The following ACACA variants were observed in gnomAD, a reference collection of about 807,000 sequenced individuals.
ACACA encodes the protein acetyl-CoA carboxylase 1.
Under a neutral mutation model 296.1 loss-of-function variants are expected in ACACA, and 103 were observed. The observed-to-expected ratio is 0.35, with a 90% confidence interval of 0.30 to 0.41. The LOEUF (loss-of-function observed/expected upper bound fraction) is 0.41. ACACA is among the 10% of genes least tolerant of loss of function. ACACA has a pLI of 1.00. For synonymous variants in ACACA, 953 were observed against 1,038.6 expected, an observed-to-expected ratio of 0.92 and a Z score of 1.58; for missense variants, 1,554 against 2,989.7, an observed-to-expected ratio of 0.52 and a Z score of 11.20.
At chr17:37,379,284 G>T in intron 1 of ACACA, 1 of 1,613,994 alleles carries the variant, frequency 6.2e-7, no homozygotes, top group African/African-American at 1.3e-5. Flanking sequence ...AAGAACCTGA[G>T]AATCATTGCT....
At chr17:37,264,771 G>C (rs2081673122) in intron 10 of ACACA, among the ~76,000 whole-genome samples, 1 of 152,152 alleles carries the variant, frequency 6.6e-6, no homozygotes, top group East Asian at 1.9e-4. Flanking sequence ...ATAACCATAT[G>C]TCTTTTATGC....
At chr17:37,339,956 C>A in intron 1 of ACACA, 106 bp from the exon 2 acceptor site, 1 of 609,346 alleles carries the variant, frequency 1.6e-6, no homozygotes, top group Non-Finnish European at 2.9e-6. Flanking sequence ...TATGAAGTAT[C>A]TATTTTACTG....
chr17:37,289,600 A>C, intron 3 of ACACA: 1 of 838,092 alleles, frequency 1.2e-6, no homozygotes, highest in South Asian at 1.3e-5. Flanking sequence ...TTTTTCCATT[A>C]CCCCATATAC....
intron 4 of ACACA, 80 bp from the exon 5 acceptor site, chr17:37,283,485 T>C: frequency 6.7e-7 from 1 of 1,488,704 alleles, no homozygotes; most frequent in Non-Finnish European, 9.3e-7. Flanking sequence ...AGAGAATTTT[T>C]ACATATCTAT....
chr17:37,240,355 T>C, intron 24 of ACACA, 121 bp downstream of exon 24: 1 of 795,332 alleles, frequency 1.3e-6, no homozygotes, highest in South Asian at 1.5e-5. Context: ...AGACTGTTTA[T>C]TAATGGGAAG....
chr17:37,260,284 ATATATATATATATTTTTTT>A (rs1297717467), intron 11 of ACACA, among the ~76,000 whole-genome samples: 7,480 of 43,400 alleles, frequency 0.17, 1,019 homozygotes, highest in Admixed American at 0.34. Flanking sequence ...ATATATATAT[ATATATATATATATTTTTTT>A]TTTTTTTTTT....
At chr17:37,166,698 T>C (rs1047483390) in intron 41 of ACACA, among the ~76,000 whole-genome samples, 4 of 152,238 alleles carry the variant, frequency 2.6e-5, no homozygotes, top group Admixed American at 2.0e-4. Flanking sequence ...CTCAGTTTTA[T>C]GCTAGCCGTA....
intron 1 of ACACA, among the ~76,000 whole-genome samples, chr17:37,393,007 T>A (rs11656861): frequency 6.6e-6 from 1 of 151,656 alleles, no homozygotes; most frequent in African/African-American, 2.4e-5. Flanking sequence ...CCGGGCATGG[T>A]GGAGGGCACC....
chr17:37,202,615 T>A (rs546558368), intron 33 of ACACA, among the ~76,000 whole-genome samples: 3 of 146,136 alleles, frequency 2.1e-5, no homozygotes, highest in Non-Finnish European at 4.5e-5. Flanking sequence ...ACAAAACTAG[T>A]TGCCACTTTA....
At chr17:37,302,541 C>G (rs990495740) in intron 3 of ACACA, among the ~76,000 whole-genome samples, 4 of 149,908 alleles carry the variant, frequency 2.7e-5, no homozygotes, top group African/African-American at 7.6e-5. Context: ...GGTGATCCAT[C>G]CGCCTCAGCC....
At chr17:37,123,366 G>A (rs1290696112) in intron 48 of ACACA, among the ~76,000 whole-genome samples, 1 of 152,118 alleles carries the variant, frequency 6.6e-6, no homozygotes, top group Non-Finnish European at 1.5e-5. Context: ...CTGTTTAGGA[G>A]CTCAAAGCCT....
At chr17:37,188,144 A>T in intron 39 of ACACA, 133 bp downstream of exon 39, 2 of 904,116 alleles carry the variant, frequency 2.2e-6, no homozygotes, top group Non-Finnish European at 3.5e-6. Flanking sequence ...TCATACAATC[A>T]TTTAATCTTA....
intron 41 of ACACA, among the ~76,000 whole-genome samples, chr17:37,164,382 A>T (rs1381506496): frequency 6.6e-6 from 1 of 152,226 alleles, no homozygotes; most frequent in Non-Finnish European, 1.5e-5. Flanking sequence ...AGCATTCTAC[A>T]CAGCTATTTG....
chr17:37,168,772 A>G (rs2076778992), intron 41 of ACACA, among the ~76,000 whole-genome samples: 2 of 152,338 alleles, frequency 1.3e-5, no homozygotes, highest in Admixed American at 6.5e-5. Context: ...GATGTGGTAG[A>G]GTGTAAACAT....
intron 41 of ACACA, among the ~76,000 whole-genome samples, chr17:37,174,845 T>C (rs2077050439): frequency 6.6e-6 from 1 of 152,194 alleles, no homozygotes; most frequent in South Asian, 2.1e-4. Context: ...TTGCATTCAA[T>C]TTTCAATATA....
At chr17:37,184,991 G>A (rs2077471095) in intron 39 of ACACA, among the ~76,000 whole-genome samples, 1 of 152,146 alleles carries the variant, frequency 6.6e-6, no homozygotes, top group Non-Finnish European at 1.5e-5. Context: ...CACACTGTTT[G>A]ATTTAAATTC....
At chr17:37,338,905 A>T (rs1216746744) in intron 2 of ACACA, among the ~76,000 whole-genome samples, 1 of 151,340 alleles carries the variant, frequency 6.6e-6, no homozygotes, top group Non-Finnish European at 1.5e-5. Context: ...GCGCCACTGC[A>T]CTCTAGCCTG....
At chr17:37,231,960 G>A (rs764129330) in intron 25 of ACACA, among the ~76,000 whole-genome samples, 1 of 152,198 alleles carries the variant, frequency 6.6e-6, no homozygotes, top group Non-Finnish European at 1.5e-5. Flanking sequence ...TCCAGACTTT[G>A]TGTTAAATTG....
intron 39 of ACACA, among the ~76,000 whole-genome samples, chr17:37,187,178 T>C (rs1429381410): frequency 1.3e-5 from 2 of 152,202 alleles, no homozygotes; most frequent in African/African-American, 4.8e-5. Flanking sequence ...ACTGCTCACT[T>C]CTCATAGGAT....
Sources: gnomAD v4.1 joint callset for allele counts (sites outside exome capture counted in the v4.1 genomes callset) on GRCh38, gnomAD v4.1.1 for gene constraint, MANE v1.5 for transcripts, NCBI Gene and HGNC (gene_info 2026-07-23, HGNC 2026-07-21) for gene names.